Variants in SHANK1 observed in about 807,000 individuals in gnomAD.
SHANK1 encodes the protein SH3 and multiple ankyrin repeat domains 1.
Under a neutral mutation model 165.6 loss-of-function variants are expected in SHANK1, and 35 were observed. The ratio of observed to expected loss-of-function variants is 0.21; its 90% CI spans 0.16 to 0.28. The LOEUF is 0.28. Among genes scored for constraint, SHANK1 ranks in the 10% least tolerant of loss-of-function variants. The pLI is 1.00. For synonymous variants in SHANK1, 1,428 were observed against 1,384.8 expected (o/e 1.03, Z -0.69); for missense variants, 2,681 against 3,036.4 (o/e 0.88, Z 2.75).
At chr19:50,677,846 G>A (rs1423274682) in intron 21 of SHANK1, among the ~76,000 whole-genome samples, 2 of 152,130 alleles carry the variant, frequency 1.3e-5, no homozygotes, top group South Asian at 2.1e-4. Flanking sequence ...TTCTCTAAGC[G>A]CTTCTCAGCC....
chr19:50,666,294 C>T lies in SHANK1; in HGVS notation c.5666G>A (p.Gly1889Asp), dbSNP rs1208065845. 3 of 1,612,332 alleles carry T rather than the reference C, an allele frequency of 1.9e-6. No individual in the cohort carries two copies. The highest frequency in any genetic ancestry group is 1.1e-5 in the South Asian group (1 of 90,848). Reference sequence around the variant, plus strand: ...GCCTCCTCGGGCCCAGGGCAGAGCGCCGCCAGCTGCCGAGGAGCCCCCAAA... The same window carrying T: ...GCCTCCTCGGGCCCAGGGCAGAGCGTCGCCAGCTGCCGAGGAGCCCCCAAA... Reference protein sequence around the residue: ...QQFGGSSAAGGALPWARGGSG... With the variant: ...QQFGGSSAAGDALPWARGGSG... The change falls in exon 23 of 24, where the codon GGC becomes GAC. Residue 1889 changes from glycine (G) to aspartate (D), a missense_variant. Gly to Asp is a moderately conservative substitution (Grantham distance 94, BLOSUM62 -1). Around this residue, in one of 10 missense-constraint regions of SHANK1, gnomAD observed 1,713 missense variants for 1,630.2 expected, o/e 1.05. Transcript: ENST00000293441.
intron 8 of SHANK1, among the ~76,000 whole-genome samples, chr19:50,707,946 C>T (rs1298452053): frequency 8.9e-5 from 6 of 67,102 alleles, no homozygotes; most frequent in Non-Finnish European, 1.7e-4. Context: ...CTTTTCTTTT[C>T]TTTTCTTTTC....
intron 21 of SHANK1, among the ~76,000 whole-genome samples, chr19:50,683,018 A>G (rs1310226471): frequency 2.0e-5 from 3 of 152,024 alleles, no homozygotes; most frequent in African/African-American, 4.8e-5. Flanking sequence ...TTTAGTAGAG[A>G]TGGGATTTTT....
At chr19:50,676,584 C>T (rs139724105) in intron 21 of SHANK1, among the ~76,000 whole-genome samples, 11 of 152,188 alleles carry the variant, frequency 7.2e-5, no homozygotes, top group African/African-American at 2.7e-4. Flanking sequence ...TTTCAGATTT[C>T]GGCTCCAAGG....
Position 50,718,807 on chromosome 19 carries a change from A to G in SHANK1, c.-44+599T>C, listed in dbSNP as rs1292890302. On this transcript the variant is annotated intron_variant, in intron 1 of 23. Coordinates refer to ENST00000293441, the MANE Select transcript of SHANK1 (RefSeq NM_016148.5). This position sits in a 1 kb window ranked among gnomAD's most constrained non-coding sequence, Gnocchi z 5.1. ...CTGGTGGGGGAGAACCCGGCCGGGG[A>G]GAGGGGCGGGGGGCACCGGGGAGCA... 8.7e-5 allele frequency among the ~76,000 whole-genome samples: 2 copies of G among 22,988 alleles called. No individual in the cohort carries two copies. Among genetic ancestry groups the G allele is most frequent in the African/African-American group, 3.6e-4 (2 of 5,596 alleles). 15.1% of individuals were successfully genotyped at this position (22,988 alleles called of 152,430 possible).
chr19:50,714,148 C>T lies in SHANK1; in HGVS notation c.640+34G>A, dbSNP rs139053043. 895 of 1,596,772 alleles carry T rather than the reference C, an allele frequency of 5.6e-4. 5 individuals are homozygous for T. In the African/African-American group the frequency reaches 0.011, roughly 19 times the overall value. On this transcript the variant is annotated intron_variant, in intron 5 of 23. Coordinates refer to ENST00000293441, the MANE Select transcript of SHANK1 (RefSeq NM_016148.5). ...CCCCTGCTCCCCAGCTCTGTCCTGGCCCTGAGGTCCTCCTGATGCGCACCC... is the reference window on the plus strand; with the variant it reads ...CCCCTGCTCCCCAGCTCTGTCCTGGTCCTGAGGTCCTCCTGATGCGCACCC...
At chr19:50,663,924 T>TTC (rs59638184) in intron 23 of SHANK1, among the ~76,000 whole-genome samples, 18 of 113,626 alleles carry the variant, frequency 1.6e-4, no homozygotes, top group African/African-American at 5.3e-4. Flanking sequence ...TTTCTTTTCT[T>TTC]TCTCTCTCTC....
rs1367510071 is a variant in SHANK1 at position 50,702,705 on chromosome 19, G to A, written c.1554-45C>T. ...GAGAGGAGGGGAGGGTGGAGGGAGG[G>A]GACACCTCTGGGAGGACAGGGGTCC... On this transcript the variant is annotated intron_variant, in intron 11 of 23. Transcript: ENST00000293441. The surrounding 1 kb of genome is among the most constrained non-coding windows in gnomAD (Gnocchi z 5.3). The A allele has an allele frequency of 1.5e-6, 2 of 1,352,986 alleles. No homozygotes were observed. The highest frequency in any genetic ancestry group is 2.0e-6 in the Non-Finnish European group (2 of 993,616). 83.8% of individuals were successfully genotyped at this position (1,352,986 alleles called of 1,614,324 possible). A position where few individuals can be genotyped will look rare whatever the true frequency, so the allele number is the denominator to read the frequency against.
chr19:50,659,474 G>T lies in SHANK1; in HGVS notation c.*2491C>A, dbSNP rs533934454. 1.3e-5 allele frequency among the ~76,000 whole-genome samples: 2 copies of T among 151,964 alleles called. No homozygotes were observed. Among genetic ancestry groups the T allele is most frequent in the East Asian group, 3.9e-4 (2 of 5,134 alleles). The stretch of plus-strand genomic sequence containing the variant: ...GGGATGAACTGAAGCCCGCGAAAGG[G>T]AAGACCTGGGCACCGGGGCTTTCAG... On this transcript the variant is annotated 3_prime_UTR_variant, in exon 24 of 24. Coordinates refer to ENST00000293441, the MANE Select transcript of SHANK1 (RefSeq NM_016148.5).
intron 8 of SHANK1, among the ~76,000 whole-genome samples, chr19:50,708,959 C>T (rs568208210): frequency 1.3e-4 from 20 of 152,250 alleles, no homozygotes; most frequent in Admixed American, 1.0e-3. Flanking sequence ...GCCAAGGCGG[C>T]AGAGGCTGAG....
chr19:50,667,232 G>T lies in SHANK1; in HGVS notation c.4728C>A (p.Ser1576Arg). ...TGAGGGGCGACTCTGGCTTTTCGAA[G>T]CTGTTGGAGAATTCCAGAGGCGGAG... ...PLPPPLEFSNSFEKPESPLTP... is the reference protein window; with the variant it reads ...PLPPPLEFSNRFEKPESPLTP... The change falls in exon 23 of 24, where the codon AGC becomes AGA. Residue 1576 changes from serine to arginine, a missense_variant. Coordinates refer to ENST00000293441, the MANE Select transcript of SHANK1 (RefSeq NM_016148.5). The surrounding 1 kb of genome is among the most constrained non-coding windows in gnomAD (Gnocchi z 5.7). 6.3e-7 allele frequency: 1 copy of T among 1,588,454 alleles called. No individual in the cohort carries two copies. Among genetic ancestry groups the T allele is most frequent in the Non-Finnish European group, 8.5e-7 (1 of 1,175,058 alleles).
chr19:50,662,468 G>C lies in SHANK1; in HGVS notation c.5983C>G (p.Leu1995Val). The stretch of plus-strand genomic sequence containing the variant: ...AGCGAGGGGCTGGGGGCCCGGCGGA[G>C]CAGAGGGGGCCGCATCTCGAACTCC... ...GVEFEMRPPL[L>V]RRAPSPSLLP... Residue 1995 changes from leucine (L) to valine (V), a missense_variant, in exon 24 of 24, where the codon CTC (leucine) becomes GTC (valine). Leu to Val is a conservative substitution (Grantham distance 32, BLOSUM62 1). This residue lies in a region of SHANK1 where 1,713 missense variants were observed against 1,630.2 expected (regional missense o/e 1.05). Coordinates refer to ENST00000293441, the MANE Select transcript of SHANK1 (RefSeq NM_016148.5). This position sits in a 1 kb window ranked among gnomAD's most constrained non-coding sequence, Gnocchi z 7.7. 1 of 1,551,774 alleles carries C rather than the reference G, an allele frequency of 6.4e-7. No individual in the cohort carries two copies. Among genetic ancestry groups the C allele is most frequent in the Non-Finnish European group, 8.7e-7 (1 of 1,148,540 alleles).
At chr19:50,699,595 G>C (rs1986841019) in intron 12 of SHANK1, among the ~76,000 whole-genome samples, 1 of 152,186 alleles carries the variant, frequency 6.6e-6, no homozygotes, top group Non-Finnish European at 1.5e-5. Context: ...AGAGTTTGGT[G>C]TACAAGAAAG....
intron 10 of SHANK1, 105 bp downstream of exon 10, chr19:50,704,015 C>T (rs1599867070): frequency 1.6e-6 from 2 of 1,220,756 alleles, no homozygotes; most frequent in Middle Eastern, 1.9e-4. Context: ...AGGGTTTTCT[C>T]CATCCTATCC....
chr19:50,671,947 G>C (rs1375879968), intron 22 of SHANK1, 71 bp downstream of exon 22: 1 of 1,143,542 alleles, frequency 8.7e-7, no homozygotes, highest in Non-Finnish European at 1.3e-6. Flanking sequence ...TTCCAAGTCT[G>C]CTTGCTTTTC....
chr19:50,688,421 C>T lies in SHANK1; in HGVS notation c.2173-363G>A, dbSNP rs1255306463. On this transcript the variant is annotated intron_variant, in intron 17 of 23. Coordinates refer to ENST00000293441, the MANE Select transcript of SHANK1 (RefSeq NM_016148.5). The surrounding 1 kb of genome is among the most constrained non-coding windows in gnomAD (Gnocchi z 6.7). ...GCACCCTCGACTTCCTGGGCTCAAG[C>T]AATTCTCCCACCTCAGCCTCCAGAA... Among the ~76,000 whole-genome samples, 1 of 152,174 alleles carries T rather than the reference C, an allele frequency of 6.6e-6. No homozygotes were observed. The highest frequency in any genetic ancestry group is 1.9e-4 in the East Asian group (1 of 5,186).
chr19:50,718,600 C>G lies in SHANK1; in HGVS notation c.-44+806G>C, dbSNP rs1399506114. ...AAGAATAGCTGGCACGCAGCTGGTACCGAGACGGGCTGAGGAATCGGCGAG... is the reference window on the plus strand; with the variant it reads ...AAGAATAGCTGGCACGCAGCTGGTAGCGAGACGGGCTGAGGAATCGGCGAG... On this transcript the variant is annotated intron_variant, in intron 1 of 23. Coordinates refer to ENST00000293441, the MANE Select transcript of SHANK1 (RefSeq NM_016148.5). This position sits in a 1 kb window ranked among gnomAD's most constrained non-coding sequence, Gnocchi z 5.1. 1.3e-5 allele frequency among the ~76,000 whole-genome samples: 2 copies of G among 152,002 alleles called. No individual in the cohort carries two copies. The highest frequency in any genetic ancestry group is 2.9e-5 in the Non-Finnish European group (2 of 67,978).
At position 50,713,452 on chromosome 19, in the gene SHANK1, G is replaced by T. The variant is rs1234750621; in HGVS notation, c.792+346C>A. 6.6e-6 allele frequency among the ~76,000 whole-genome samples: 1 copy of T among 152,016 alleles called. No individual in the cohort carries two copies. Among genetic ancestry groups the T allele is most frequent in the African/African-American group, 2.4e-5 (1 of 41,362 alleles). On this transcript the variant is annotated intron_variant, in intron 6 of 23. Coordinates refer to ENST00000293441, the MANE Select transcript of SHANK1 (RefSeq NM_016148.5). The surrounding 1 kb of genome is among the most constrained non-coding windows in gnomAD (Gnocchi z 6.2). The stretch of plus-strand genomic sequence containing the variant: ...GGGGCTCTATCTGGGGGCATAGCAG[G>T]GAGCTCACTTCGTATTTTAAGGAAT...
rs927983468 is a variant in SHANK1, at chr19:50,666,794, C to T, written c.5166G>A (p.Pro1722=). The change falls in exon 23 of 24, where the codon CCG becomes CCA. Residue 1722 remains proline (P), a synonymous_variant. Coordinates refer to ENST00000293441, the MANE Select transcript of SHANK1 (RefSeq NM_016148.5). ...AGGCCACATAGGTGTCCAGAAGCTC[C>T]GGCCCACTGGCCACACCGGCCCCAG... ...GGAGAGVASG[P]ELLDTYVAYL... 3.2e-5 allele frequency: 49 copies of T among 1,550,424 alleles called. No individual in the cohort carries two copies. The highest frequency in any genetic ancestry group is 1.4e-4 in the Admixed American group (7 of 51,164).
Sources: gnomAD v4.1 joint callset for allele counts (sites outside exome capture counted in the v4.1 genomes callset) on GRCh38, gnomAD v4.1.1 for gene constraint, gnomAD v4.1.1 regional missense constraint, Gnocchi (gnomAD v3.1) non-coding constraint, MANE v1.5 for transcripts, NCBI Gene and HGNC (gene_info 2026-07-23, HGNC 2026-07-21) for gene names.